Variants in SEC23B observed in about 807,000 individuals in gnomAD.
SEC23B encodes protein transport protein Sec23B.
A neutral mutation model predicts 104.3 loss-of-function variants in SEC23B; 77 were observed. The ratio of observed to expected loss-of-function variants is 0.74; its 90% CI spans 0.61 to 0.89. The LOEUF (loss-of-function observed/expected upper bound fraction) is 0.89. SEC23B is among the 40% of genes least tolerant of loss of function. The pLI is 0.00. For synonymous variants in SEC23B, 338 were observed against 332.5 expected, an observed-to-expected ratio of 1.02 and a Z score of -0.18; for missense variants, 885 against 949.4, an observed-to-expected ratio of 0.93 and a Z score of 0.89.
intron 10 of SEC23B, among the ~76,000 whole-genome samples, chr20:18,531,035 G>A (rs113406109): frequency 3.3e-5 from 5 of 152,366 alleles, no homozygotes; most frequent in African/African-American, 9.6e-5. Flanking sequence ...ACATGGGCAT[G>A]TAAAAGCCAA....
chr20:18,509,944 G>C (rs2059967010), intron 1 of SEC23B: 1 of 152,126 alleles, frequency 6.6e-6, no homozygotes. Context: ...AGAGGTTCTG[G>C]TGAGACTCAG....
chr20:18,548,922 G>A, intron 16 of SEC23B, 152 bp downstream of exon 16: 1 of 767,354 alleles, frequency 1.3e-6, no homozygotes, highest in South Asian at 1.7e-5. Flanking sequence ...AATACCTTTA[G>A]GAAAATGTCA....
chr20:18,534,210 A>C (rs373412585), intron 11 of SEC23B, among the ~76,000 whole-genome samples: 1 of 152,232 alleles, frequency 6.6e-6, no homozygotes, highest in Non-Finnish European at 1.5e-5. Context: ...ACAGTCCTTA[A>C]GCACGTCAGT....
At chr20:18,546,919 T>G (rs1182630820) in intron 15 of SEC23B, among the ~76,000 whole-genome samples, 2 of 150,824 alleles carry the variant, frequency 1.3e-5, no homozygotes, top group African/African-American at 4.9e-5. Context: ...TTTTTTTTTT[T>G]TTTTTTTTTT....
chr20:18,516,070 A>T (rs2060021839), intron 4 of SEC23B: 1 of 292,936 alleles, frequency 3.4e-6, no homozygotes, highest in Non-Finnish European at 6.6e-6. Flanking sequence ...TATCTAATTC[A>T]CTGGAAAATC....
intron 11 of SEC23B, 73 bp downstream of exon 11, chr20:18,532,817 A>G (rs1326423034): frequency 4.6e-6 from 5 of 1,094,790 alleles, no homozygotes; most frequent in Admixed American, 1.7e-5. Flanking sequence ...GAGCATGATG[A>G]TCTCACATGT....
At position 18,525,793 on chromosome 20, in the gene SEC23B, T is replaced by G; in HGVS notation, c.695T>G (p.Leu232Arg). 2.5e-6 allele frequency: 4 copies of G among 1,614,228 alleles called. No individual in the cohort carries two copies. In the South Asian group the frequency reaches 4.4e-5, roughly 18 times the overall value. Reference sequence around the variant, plus strand: ...TGTCTGTTAAAATCTTGCAGATTTCTGCAGCCTGTTCACAAGATTGATATG... The same window carrying G: ...TGTCTGTTAAAATCTTGCAGATTTCGGCAGCCTGTTCACAAGATTGATATG... ...QEHPFASSRF[L>R]QPVHKIDMNL... Residue 232 changes from leucine to arginine, a missense_variant, in exon 7 of 20, where the codon CTG becomes CGG. Coordinates refer to ENST00000650089, the MANE Select transcript of SEC23B (RefSeq NM_006363.6).
chr20:18,547,924 AAAAATTTTGTATTTTTTT>A (rs1252333086), intron 15 of SEC23B, among the ~76,000 whole-genome samples: 2 of 150,652 alleles, frequency 1.3e-5, no homozygotes, highest in Non-Finnish European at 3.0e-5. Context: ...CTTTTCTTAA[AAAAATTTTGTATTTTTTT>A]AAAAATTTTT....
At chr20:18,520,816 G>A (rs541372048) in intron 4 of SEC23B, among the ~76,000 whole-genome samples, 2 of 152,106 alleles carry the variant, frequency 1.3e-5, no homozygotes, top group Non-Finnish European at 2.9e-5. Context: ...CTCGGCGTCC[G>A]TGATGGTCTA....
intron 4 of SEC23B, chr20:18,516,005 G>A: frequency 2.3e-6 from 1 of 431,786 alleles, no homozygotes; most frequent in Non-Finnish European, 4.3e-6. Flanking sequence ...CCATCATCTA[G>A]TTGTTTAGCT....
In SEC23B at chr20:18,554,215, G is replaced by A; in HGVS notation, c.1993-20G>A. 1 of 1,614,120 alleles carries A rather than the reference G, an allele frequency of 6.2e-7. No homozygotes were observed. Among genetic ancestry groups the A allele is most frequent in the East Asian group, 2.2e-5 (1 of 44,880 alleles). On this transcript the variant is annotated intron_variant, in intron 17 of 19. Transcript: ENST00000650089. Reference sequence around the variant, plus strand: ...TATTACAGTTTCCACAATAGTTTTGGTTGGTTTGTTTCTGTGTAGACCATA... The same window carrying A: ...TATTACAGTTTCCACAATAGTTTTGATTGGTTTGTTTCTGTGTAGACCATA...
chr20:18,527,442 A>C (rs1163160467), intron 8 of SEC23B, 54 bp from the exon 9 acceptor site: 7 of 966,524 alleles, frequency 7.2e-6, no homozygotes, highest in Admixed American at 1.7e-5. Context: ...TAATTCAGGC[A>C]TACCTTGGGA....
At chr20:18,537,351 C>T (rs535087144) in intron 12 of SEC23B, among the ~76,000 whole-genome samples, 3 of 152,032 alleles carry the variant, frequency 2.0e-5, no homozygotes, top group African/African-American at 7.2e-5. Context: ...AAATGTCCAA[C>T]AATGATAGAC....
At position 18,548,683 on chromosome 20, in the gene SEC23B, A is replaced by G; in HGVS notation, c.1818A>G (p.Arg606=). ...NNSPDESSYY[R]HHFARQDLTQ... ...GTCCTGATGAGTCGTCATATTACAG[A>G]CATCATTTTGCCCGGCAGGACCTGA... The change falls in exon 16 of 20, where the codon AGA becomes AGG. Residue 606 remains arginine (R), a synonymous_variant. Coordinates refer to ENST00000650089, the MANE Select transcript of SEC23B (RefSeq NM_006363.6). 1 of 1,614,140 alleles carries G rather than the reference A, an allele frequency of 6.2e-7. No individual in the cohort carries two copies. The highest frequency in any genetic ancestry group is 8.5e-7 in the Non-Finnish European group (1 of 1,179,960).
Position 18,510,861 on chromosome 20 carries a change from A to C in SEC23B, c.26A>C (p.Gln9Pro). MATYLEFI[Q>P]QNEERDGVRF... ...ATGGCGACATACCTGGAGTTCATCC[A>C]GCAGAATGAAGAACGGGATGGTGTG... is the stretch of plus-strand genomic sequence containing the variant. The change falls in exon 2 of 20, where the codon CAG becomes CCG. Residue 9 changes from glutamine (Q) to proline (P), a missense_variant. Coordinates refer to ENST00000650089, the MANE Select transcript of SEC23B (RefSeq NM_006363.6). 2.5e-6 allele frequency: 4 copies of C among 1,614,074 alleles called. No homozygotes were observed. The highest frequency in any genetic ancestry group is 3.4e-6 in the Non-Finnish European group (4 of 1,179,890).
chr20:18,510,713 C>A, intron 1 of SEC23B, 109 bp from the exon 2 acceptor site: 2 of 861,868 alleles, frequency 2.3e-6, no homozygotes, highest in Non-Finnish European at 3.8e-6. Flanking sequence ...CTGCAGTGAG[C>A]TGAGATGGGA....
chr20:18,557,723 TTC>T lies in SEC23B; in HGVS notation c.2214+2552_2214+2553del, dbSNP rs901772483. Reference sequence around the variant, plus strand: ...TTTCTTTTTAGAGATCTTTTAGCCATTCTTTTTTTCTTTTTTCTTTTCTTTTT... The same window carrying T: ...TTTCTTTTTAGAGATCTTTTAGCCATTTTTTTTCTTTTTTCTTTTCTTTTT... On this transcript the variant is annotated intron_variant, in intron 19 of 19. Coordinates refer to ENST00000650089, the MANE Select transcript of SEC23B (RefSeq NM_006363.6). 6.0e-5 allele frequency among the ~76,000 whole-genome samples: 9 copies of T among 149,010 alleles called. No homozygotes were observed. In the Admixed American group the frequency reaches 6.2e-4, roughly 10 times the overall value.
At chr20:18,552,568 C>T (rs953014632) in intron 17 of SEC23B, among the ~76,000 whole-genome samples, 6 of 152,186 alleles carry the variant, frequency 3.9e-5, no homozygotes, top group African/African-American at 1.4e-4. Context: ...AATCCCAGCA[C>T]GTTGGGAGGC....
chr20:18,524,492 T>C lies in SEC23B; in HGVS notation c.426T>C (p.Asp142=). 6.2e-7 allele frequency: 1 copy of C among 1,614,218 alleles called. No individual in the cohort carries two copies. The highest frequency in any genetic ancestry group is 8.5e-7 in the Non-Finnish European group (1 of 1,180,030). ...LYVVDTCLEE[D]DLQALKESLQ... is the part of the protein sequence containing the mutation. ...TGGTTGACACATGCCTGGAGGAAGA[T>C]GACCTTCAAGCACTCAAAGAGTCCC... Residue 142 remains aspartate, a synonymous_variant, in exon 5 of 20, where the codon GAT becomes GAC. Coordinates refer to ENST00000650089, the MANE Select transcript of SEC23B (RefSeq NM_006363.6).
Sources: allele counts gnomAD v4.1 joint callset (sites outside exome capture counted in the v4.1 genomes callset), GRCh38; gene constraint gnomAD v4.1.1; transcripts MANE v1.5; gene names NCBI Gene and HGNC (gene_info 2026-07-23, HGNC 2026-07-21).